Variants in LEKR1 observed in about 807,000 individuals in gnomAD.
LEKR1 encodes leucine, glutamate and lysine rich 1, also known as protein LEKR1.
In LEKR1, 59 loss-of-function variants were observed where a neutral mutation model predicts 72.4. That is an observed-to-expected ratio of 0.82 (90% CI 0.66 to 1.01). The LOEUF (loss-of-function observed/expected upper bound fraction) is 1.01. LEKR1 is among the 50% of genes least tolerant of loss of function. LEKR1 has a pLI of 0.00. For synonymous variants in LEKR1, 257 were observed against 263.2 expected, an observed-to-expected ratio of 0.98 and a Z score of 0.23; for missense variants, 728 against 759.2, an observed-to-expected ratio of 0.96 and a Z score of 0.48.
chr3:156,828,995 A>G (rs1472780792), intron 1 of LEKR1, among the ~76,000 whole-genome samples: 1 of 152,224 alleles, frequency 6.6e-6, no homozygotes, highest in Non-Finnish European at 1.5e-5. Flanking sequence ...ATGTATTTGA[A>G]AAACAATTAG....
intron 11 of LEKR1, among the ~76,000 whole-genome samples, chr3:157,025,861 TA>T (rs35449146): frequency 1.4e-4 from 21 of 146,990 alleles, no homozygotes; most frequent in African/African-American, 2.0e-4. Flanking sequence ...CTGTCTCTAT[TA>T]AAAAAAAAAA....
chr3:156,848,452 A>G (rs1405865471), intron 2 of LEKR1, among the ~76,000 whole-genome samples: 2 of 152,232 alleles, frequency 1.3e-5, no homozygotes, highest in Non-Finnish European at 2.9e-5. Flanking sequence ...TTTTATGTTC[A>G]CTGAGAGCAA....
chr3:156,985,907 A>G (rs1279175569), intron 7 of LEKR1, among the ~76,000 whole-genome samples: 1 of 152,020 alleles, frequency 6.6e-6, no homozygotes, highest in Non-Finnish European at 1.5e-5. Flanking sequence ...GGGCAGGCCT[A>G]ATATAATCAC....
At chr3:156,994,937 T>G (rs1182323905) in intron 9 of LEKR1, among the ~76,000 whole-genome samples, 1 of 152,230 alleles carries the variant, frequency 6.6e-6, no homozygotes, top group Non-Finnish European at 1.5e-5. Context: ...TCTAATTGTT[T>G]CTGGAACTCT....
chr3:156,992,553 T>C (rs1560132328), intron 7 of LEKR1, 100 bp from the exon 8 acceptor site: 1 of 215,384 alleles, frequency 4.6e-6, no homozygotes, highest in Non-Finnish European at 9.4e-6. Flanking sequence ...AATATGAAGA[T>C]GTTAAGAAAT....
At chr3:156,845,717 C>A (rs759422188) in intron 2 of LEKR1, among the ~76,000 whole-genome samples, 1 of 152,068 alleles carries the variant, frequency 6.6e-6, no homozygotes, top group African/African-American at 2.4e-5. Flanking sequence ...ATCATACAAT[C>A]TTGATTACTA....
At chr3:157,031,291 A>G (rs529844925) in intron 12 of LEKR1, among the ~76,000 whole-genome samples, 16 of 152,190 alleles carry the variant, frequency 1.1e-4, no homozygotes, top group Non-Finnish European at 1.5e-4. Context: ...GAAAGACATA[A>G]GACATTGGGT....
chr3:156,891,293 T>C (rs1031472482), intron 3 of LEKR1, among the ~76,000 whole-genome samples: 1 of 152,172 alleles, frequency 6.6e-6, no homozygotes, highest in African/African-American at 2.4e-5. Flanking sequence ...AACCCAAAGT[T>C]GCATAAGGGT....
At chr3:156,928,144 C>T (rs1724896559) in intron 5 of LEKR1, among the ~76,000 whole-genome samples, 1 of 151,896 alleles carries the variant, frequency 6.6e-6, no homozygotes, top group South Asian at 2.1e-4. Flanking sequence ...GAGTTCCAGA[C>T]AGAGGATAAA....
chr3:156,936,924 A>G (rs1342862361), intron 5 of LEKR1, among the ~76,000 whole-genome samples: 1 of 152,192 alleles, frequency 6.6e-6, no homozygotes, highest in Non-Finnish European at 1.5e-5. Context: ...GAGTTCTTAA[A>G]CTTGAACTAA....
intron 6 of LEKR1, among the ~76,000 whole-genome samples, chr3:156,949,436 G>A (rs1404088476): frequency 1.3e-5 from 2 of 151,510 alleles, no homozygotes; most frequent in Admixed American, 6.6e-5. Flanking sequence ...TCCATTGCTT[G>A]TTTTTGTCAG....
At chr3:156,884,295 C>T (rs978687796) in intron 3 of LEKR1, among the ~76,000 whole-genome samples, 1 of 151,986 alleles carries the variant, frequency 6.6e-6, no homozygotes, top group Admixed American at 6.6e-5. Flanking sequence ...AGATGTGAAG[C>T]ACTGTTCTAT....
At chr3:156,910,220 G>T (rs1443364411) in intron 3 of LEKR1, among the ~76,000 whole-genome samples, 3 of 152,104 alleles carry the variant, frequency 2.0e-5, no homozygotes, top group African/African-American at 7.2e-5. Context: ...AGGCTTTGAG[G>T]TATGAATAAT....
chr3:156,975,513 T>G (rs1166469947), intron 6 of LEKR1, among the ~76,000 whole-genome samples: 24 of 152,312 alleles, frequency 1.6e-4, no homozygotes, highest in Non-Finnish European at 5.9e-5. Context: ...TTATACTAAC[T>G]TAATGTGCCC....
intron 3 of LEKR1, among the ~76,000 whole-genome samples, chr3:156,910,487 A>G (rs1723003755): frequency 6.6e-6 from 1 of 152,182 alleles, no homozygotes; most frequent in Admixed American, 6.5e-5. Flanking sequence ...GGGCTGAAAA[A>G]CTAACTGTTG....
At chr3:156,918,980 A>G (rs567807852) in intron 3 of LEKR1, among the ~76,000 whole-genome samples, 4 of 152,288 alleles carry the variant, frequency 2.6e-5, no homozygotes, top group South Asian at 4.1e-4. Flanking sequence ...TTCCTCATGA[A>G]TAGATTAATC....
chr3:156,949,471 A>AG (rs1726967992), intron 6 of LEKR1, among the ~76,000 whole-genome samples: 1 of 151,464 alleles, frequency 6.6e-6, no homozygotes, highest in African/African-American at 2.4e-5. Flanking sequence ...AGATTGTTGT[A>AG]GGTTTGCGTT....
chr3:156,906,177 G>A (rs973273889), intron 3 of LEKR1, among the ~76,000 whole-genome samples: 3 of 152,112 alleles, frequency 2.0e-5, no homozygotes, highest in African/African-American at 4.8e-5. Context: ...GAAGTTAAAA[G>A]GGAGTTTTAA....
At chr3:156,957,850 G>T (rs1165475225) in intron 6 of LEKR1, among the ~76,000 whole-genome samples, 2 of 151,872 alleles carry the variant, frequency 1.3e-5, no homozygotes, top group Non-Finnish European at 2.9e-5. Flanking sequence ...TGGAATACAT[G>T]ATCATAGGTC....
Sources: allele counts gnomAD v4.1 joint callset (sites outside exome capture counted in the v4.1 genomes callset), GRCh38; gene constraint gnomAD v4.1.1; transcripts MANE v1.5; gene names NCBI Gene and HGNC (gene_info 2026-07-23, HGNC 2026-07-21).